The following OLA1 variants were observed in gnomAD, a reference collection of about 807,000 sequenced individuals.
OLA1 encodes the protein obg-like ATPase 1.
A neutral mutation model predicts 48.4 loss-of-function variants in OLA1; 14 were observed. The observed-to-expected ratio is 0.29, with a 90% CI of 0.19 to 0.45. The LOEUF is 0.45. Among genes scored for constraint, OLA1 ranks in the 20% least tolerant of loss-of-function variants. The pLI, the probability that OLA1 is intolerant of heterozygous loss-of-function variation, is 1.00. For missense variants in OLA1, 325 were observed against 467.1 expected (o/e 0.70, Z 2.80); for synonymous variants, 127 against 150.4 (o/e 0.84, Z 1.14).
chr2:174,101,056 T>C lies in OLA1; in HGVS notation c.729-18992A>G, dbSNP rs375130460. Among the ~76,000 whole-genome samples, 33 of 152,376 alleles carry C rather than the reference T, an allele frequency of 2.2e-4. No homozygotes were observed. In the East Asian group the frequency reaches 6.4e-3, roughly 29 times the overall value. ...AGTAAATACTGAAAGTTGGAATTACTGGATCACAGTGTAGATACATGCTTA... is the reference window on the plus strand; with the variant it reads ...AGTAAATACTGAAAGTTGGAATTACCGGATCACAGTGTAGATACATGCTTA... On this transcript the variant is annotated intron_variant, in intron 7 of 10. Coordinates refer to ENST00000284719, the MANE Select transcript of OLA1 (RefSeq NM_013341.5).
chr2:174,131,424 T>C (rs982642896), intron 5 of OLA1, among the ~76,000 whole-genome samples: 1 of 152,166 alleles, frequency 6.6e-6, no homozygotes, highest in Non-Finnish European at 1.5e-5. Flanking sequence ...TAAACATTCT[T>C]GTACATATAT....
chr2:174,135,798 A>T (rs539591058), intron 5 of OLA1, among the ~76,000 whole-genome samples: 81 of 152,230 alleles, frequency 5.3e-4, no homozygotes, highest in Non-Finnish European at 9.0e-4. Flanking sequence ...GAGGAAGAAT[A>T]TATTTTTACA....
intron 7 of OLA1, among the ~76,000 whole-genome samples, chr2:174,098,417 ATG>A (rs1685309672): frequency 6.6e-6 from 1 of 152,246 alleles, no homozygotes; most frequent in African/African-American, 2.4e-5. Context: ...GGATCGGGAA[ATG>A]TGTGAGTAGA....
intron 4 of OLA1, among the ~76,000 whole-genome samples, chr2:174,179,679 A>G (rs915621536): frequency 6.6e-6 from 1 of 152,028 alleles, no homozygotes; most frequent in Non-Finnish European, 1.5e-5. Flanking sequence ...TACTGACTAA[A>G]TGGTTCCACT....
intron 4 of OLA1, among the ~76,000 whole-genome samples, chr2:174,145,757 G>C (rs934742106): frequency 3.3e-5 from 5 of 152,142 alleles, no homozygotes. Context: ...AAAAATGTGA[G>C]TAATTATGTA....
intron 5 of OLA1, among the ~76,000 whole-genome samples, chr2:174,124,069 G>T (rs1558965077): frequency 6.6e-6 from 1 of 152,082 alleles, no homozygotes; most frequent in Non-Finnish European, 1.5e-5. Context: ...TTTCCCCTAA[G>T]AAGAAAAACA....
chr2:174,149,565 G>A (rs1686697099), intron 4 of OLA1, among the ~76,000 whole-genome samples: 1 of 152,152 alleles, frequency 6.6e-6, no homozygotes, highest in Non-Finnish European at 1.5e-5. Flanking sequence ...AACGCAAAAT[G>A]TCAATGCTTA....
intron 4 of OLA1, among the ~76,000 whole-genome samples, chr2:174,182,554 G>A (rs1043925462): frequency 6.6e-6 from 1 of 152,098 alleles, no homozygotes; most frequent in Admixed American, 6.6e-5. Context: ...AAATAAAAAT[G>A]AAATTAAAAA....
chr2:174,081,309 A>G (rs1684848942), intron 8 of OLA1, 61 bp from the exon 9 acceptor site: 1 of 1,253,038 alleles, frequency 8.0e-7, no homozygotes, highest in Non-Finnish European at 1.2e-6. Context: ...AAATTGGTAT[A>G]GAGCTAAAAT....
chr2:174,188,409 A>G (rs1225931021), intron 4 of OLA1, among the ~76,000 whole-genome samples: 1 of 152,006 alleles, frequency 6.6e-6, no homozygotes, highest in Non-Finnish European at 1.5e-5. Context: ...TACCGTATAC[A>G]GTAAACTTTT....
chr2:174,195,190 T>C (rs965754240), intron 4 of OLA1, among the ~76,000 whole-genome samples: 4 of 152,180 alleles, frequency 2.6e-5, no homozygotes, highest in South Asian at 2.1e-4. Flanking sequence ...TTTTAAGGCA[T>C]ATAAAAGTTA....
At chr2:174,086,385 C>A (rs1684977484) in intron 7 of OLA1, among the ~76,000 whole-genome samples, 1 of 152,076 alleles carries the variant, frequency 6.6e-6, no homozygotes, top group African/African-American at 2.4e-5. Flanking sequence ...AGCCTCTAAA[C>A]CACATACGGT....
chr2:174,122,095 G>A (rs942305024), intron 7 of OLA1, among the ~76,000 whole-genome samples: 11 of 152,130 alleles, frequency 7.2e-5, no homozygotes, highest in Non-Finnish European at 1.3e-4. Flanking sequence ...ATTACCTGAT[G>A]GAGGATACTG....
At position 174,224,446 on chromosome 2, in the gene OLA1, C is replaced by A. The variant is rs187336364; in HGVS notation, c.246-1286G>T. ...CATTCCTAGGGAAAGTAAAACAATT[C>A]TAGGACCTTCACCTTGCCCTAATTG... On this transcript the variant is annotated intron_variant, in intron 3 of 10. Transcript: ENST00000284719. 5.1e-4 allele frequency among the ~76,000 whole-genome samples: 78 copies of A among 152,240 alleles called. 1 individual carries two copies. The Middle Eastern group carries it at 0.014, about 27-fold the overall frequency.
chr2:174,171,916 ACAGC>A (rs1687312402), intron 4 of OLA1: 1 of 152,824 alleles, frequency 6.5e-6, no homozygotes, highest in Non-Finnish European at 1.5e-5. Flanking sequence ...AGCGCTGCCA[ACAGC>A]CAGCCCACCA....
chr2:174,144,962 A>ATATATG (rs1686557867), intron 4 of OLA1, among the ~76,000 whole-genome samples: 2 of 110,116 alleles, frequency 1.8e-5, no homozygotes, highest in Non-Finnish European at 3.9e-5. Flanking sequence ...ATATATATAT[A>ATATATG]TATATATATA....
intron 4 of OLA1, among the ~76,000 whole-genome samples, chr2:174,144,900 T>A (rs1397380252): frequency 7.9e-6 from 1 of 126,724 alleles, no homozygotes; most frequent in African/African-American, 3.1e-5. Context: ...TGAGCTGTGA[T>A]CACGCTGGGC....
chr2:174,101,650 T>C (rs1685400501), intron 7 of OLA1, among the ~76,000 whole-genome samples: 2 of 152,166 alleles, frequency 1.3e-5, no homozygotes, highest in African/African-American at 4.8e-5. Flanking sequence ...AGTGGAAGTG[T>C]TTGAAGCTAA....
At position 174,102,178 on chromosome 2, in the gene OLA1, C is replaced by T. The variant is rs149145933; in HGVS notation, c.729-20114G>A. Among the ~76,000 whole-genome samples, 543 of 151,964 alleles carry T rather than the reference C, an allele frequency of 3.6e-3. 1 individual carries two copies. The highest frequency in any genetic ancestry group is 4.5e-3 in the Non-Finnish European group (305 of 67,948). On this transcript the variant is annotated intron_variant, in intron 7 of 10. Coordinates refer to ENST00000284719, the MANE Select transcript of OLA1 (RefSeq NM_013341.5). ...GCAACATCAATATCACCTGGGAGCA[C>T]GCTGGACAACTGTCAGGCCCCATCT...
Sources: allele counts gnomAD v4.1 joint callset (sites outside exome capture counted in the v4.1 genomes callset), GRCh38; gene constraint gnomAD v4.1.1; transcripts MANE v1.5; gene names NCBI Gene and HGNC (gene_info 2026-07-23, HGNC 2026-07-21).